Variants in PPFIA2 observed in about 807,000 individuals in gnomAD.
PPFIA2 encodes liprin-alpha-2.
PPFIA2 carries 46 observed loss-of-function variants against 175.5 expected under a neutral mutation model. That is an observed-to-expected ratio of 0.26 (90% CI 0.21 to 0.34). The LOEUF is 0.34. Among genes scored for constraint, PPFIA2 ranks in the 10% least tolerant of loss-of-function variants. The pLI is 1.00. For synonymous variants in PPFIA2, 568 were observed against 511.4 expected (o/e 1.11, Z -1.49); for missense variants, 1,179 against 1,506.1 (o/e 0.78, Z 3.60).
intron 8 of PPFIA2, among the ~76,000 whole-genome samples, chr12:81,400,875 A>G (rs1355794248): frequency 1.3e-5 from 2 of 152,162 alleles, no homozygotes; most frequent in African/African-American, 4.8e-5. Context: ...ATGGTCATTG[A>G]AGGATCAGTC....
At chr12:81,447,056 T>C (rs1368573518) in intron 5 of PPFIA2, among the ~76,000 whole-genome samples, 1 of 152,056 alleles carries the variant, frequency 6.6e-6, no homozygotes, top group Non-Finnish European at 1.5e-5. Flanking sequence ...CCCAGCACTT[T>C]GGGAGGCCAA....
chr12:81,347,379 G>A (rs534565732), intron 18 of PPFIA2, among the ~76,000 whole-genome samples, 154 bp downstream of exon 18: 1 of 152,220 alleles, frequency 6.6e-6, no homozygotes, highest in East Asian at 1.9e-4. Context: ...ATTCATAAAT[G>A]TACTGATCAC....
At chr12:81,394,842 AC>A (rs2040822537) in intron 8 of PPFIA2, among the ~76,000 whole-genome samples, 1 of 151,884 alleles carries the variant, frequency 6.6e-6, no homozygotes, top group Non-Finnish European at 1.5e-5. Flanking sequence ...GAAATCCACT[AC>A]TTTTGAAAGA....
At chr12:81,595,889 T>C (rs1248494962) in intron 4 of PPFIA2, among the ~76,000 whole-genome samples, 1 of 152,168 alleles carries the variant, frequency 6.6e-6, no homozygotes, top group Non-Finnish European at 1.5e-5. Flanking sequence ...TATATTTGCA[T>C]ATGTTAACTC....
intron 4 of PPFIA2, among the ~76,000 whole-genome samples, chr12:81,630,903 T>A (rs200972463): frequency 0.26 from 35,840 of 137,920 alleles, 5,266 homozygotes; most frequent in African/African-American, 0.46. Flanking sequence ...ATATATATTT[T>A]TTTTTTTTTT....
At chr12:81,699,827 C>T (rs2076299332) in intron 3 of PPFIA2, among the ~76,000 whole-genome samples, 1 of 151,990 alleles carries the variant, frequency 6.6e-6, no homozygotes, top group African/African-American at 2.4e-5. Context: ...GAGTAATACA[C>T]ATTTATCTTT....
intron 23 of PPFIA2, chr12:81,298,195 T>G (rs567657867): frequency 6.6e-6 from 1 of 152,314 alleles, no homozygotes; most frequent in East Asian, 1.9e-4. Flanking sequence ...GTCTTGTGAT[T>G]GATTTTTTAA....
intron 4 of PPFIA2, among the ~76,000 whole-genome samples, chr12:81,609,061 T>C (rs1414593357): frequency 1.3e-5 from 2 of 151,286 alleles, no homozygotes; most frequent in Non-Finnish European, 2.9e-5. Flanking sequence ...CAGGAGTAAA[T>C]TGTTTAATTT....
intron 31 of PPFIA2, among the ~76,000 whole-genome samples, 200 bp from the exon 32 acceptor site, chr12:81,262,240 T>G (rs551483822): frequency 6.6e-6 from 1 of 152,316 alleles, no homozygotes; most frequent in East Asian, 1.9e-4. Context: ...TGACCTGAGC[T>G]TTTGAGTTGT....
chr12:81,278,033 T>C lies in PPFIA2; in HGVS notation c.3213-619A>G, dbSNP rs1001071073. Among the ~76,000 whole-genome samples the C allele has an allele frequency of 2.0e-5, 3 of 152,154 alleles. No individual in the cohort carries two copies. The East Asian group carries it at 5.8e-4, about 29-fold the overall frequency. On this transcript the variant is annotated intron_variant, in intron 27 of 32. Coordinates refer to ENST00000549396, the MANE Select transcript of PPFIA2 (RefSeq NM_003625.5). The stretch of plus-strand genomic sequence containing the variant: ...CAGGTTGACTCAGGAAAATGGAGCA[T>C]CATGAACAAAAGATTGCAGATGGAA...
At chr12:81,300,462 A>C in intron 22 of PPFIA2, among the ~76,000 whole-genome samples, 1 of 152,206 alleles carries the variant, frequency 6.6e-6, no homozygotes, top group East Asian at 1.9e-4. Context: ...TAATACATTA[A>C]GATATATAAT....
chr12:81,657,601 A>C (rs1020046085), intron 4 of PPFIA2, among the ~76,000 whole-genome samples: 2 of 152,352 alleles, frequency 1.3e-5, no homozygotes, highest in East Asian at 3.9e-4. Flanking sequence ...TAGAAAAAGT[A>C]AATAATTTTG....
intron 21 of PPFIA2, among the ~76,000 whole-genome samples, chr12:81,329,914 C>T (rs2055746175): frequency 6.6e-6 from 1 of 152,148 alleles, no homozygotes; most frequent in Admixed American, 6.5e-5. Flanking sequence ...CACTGCCAGC[C>T]CTGAACTTTC....
At chr12:81,498,628 A>G (rs2060269882) in intron 4 of PPFIA2, among the ~76,000 whole-genome samples, 1 of 151,926 alleles carries the variant, frequency 6.6e-6, no homozygotes, top group African/African-American at 2.4e-5. Context: ...TTCATTATTT[A>G]TTTATTTATT....
chr12:81,706,890 T>C (rs2077223017), intron 3 of PPFIA2, among the ~76,000 whole-genome samples: 1 of 152,160 alleles, frequency 6.6e-6, no homozygotes, highest in South Asian at 2.1e-4. Context: ...ATCTGATCTT[T>C]GACAAACTTG....
chr12:81,337,451 G>T (rs1010458152), intron 21 of PPFIA2, among the ~76,000 whole-genome samples: 31 of 152,066 alleles, frequency 2.0e-4, no homozygotes, highest in Non-Finnish European at 3.5e-4. Context: ...TATCTGCTCT[G>T]ACCTAAAACA....
intron 4 of PPFIA2, among the ~76,000 whole-genome samples, chr12:81,635,430 CT>C (rs1185832143): frequency 2.0e-5 from 3 of 152,136 alleles, no homozygotes; most frequent in Admixed American, 6.5e-5. Context: ...TTTATGGATT[CT>C]TTGGGTCAAG....
At chr12:81,454,854 G>T (rs541077507) in intron 5 of PPFIA2, among the ~76,000 whole-genome samples, 14 of 151,930 alleles carry the variant, frequency 9.2e-5, no homozygotes, top group African/African-American at 3.1e-4. Flanking sequence ...ATTTATTTAT[G>T]TATTTATTTT....
intron 4 of PPFIA2, among the ~76,000 whole-genome samples, chr12:81,552,911 C>T (rs1422720678): frequency 6.6e-6 from 1 of 152,006 alleles, no homozygotes; most frequent in African/African-American, 2.4e-5. Flanking sequence ...TGTAATGTAG[C>T]CTATTAAAAA....
Sources: allele counts gnomAD v4.1 joint callset (sites outside exome capture counted in the v4.1 genomes callset), GRCh38; gene constraint gnomAD v4.1.1; transcripts MANE v1.5; gene names NCBI Gene and HGNC (gene_info 2026-07-23, HGNC 2026-07-21).